The following PCDHGB5 variants were observed in gnomAD, a reference collection of about 807,000 sequenced individuals.
The protein encoded by PCDHGB5 is protocadherin gamma-B5.
A neutral mutation model predicts 62.9 loss-of-function variants in PCDHGB5; 48 were observed. The observed-to-expected ratio is 0.76, with a 90% CI of 0.61 to 0.97. The LOEUF (loss-of-function observed/expected upper bound fraction) is 0.97. PCDHGB5 is among the 50% of genes least tolerant of loss of function. The probability of loss-of-function intolerance (pLI) is 0.00; values close to 1 mark genes in which losing one functional copy is unlikely to be tolerated. For missense variants in PCDHGB5, 1,118 were observed against 1,198.6 expected (o/e 0.93, Z 0.99); for synonymous variants, 474 against 511.2 (o/e 0.93, Z 0.98).
Position 141,432,465 on chromosome 5 carries a change from C to G in PCDHGB5, c.2397+31941C>G. ...GAGATCCTGTACCCCGCCCTCCCCACGGACGGTTCCACTGGCGTGGAGCTG... is the reference window on the plus strand; with the variant it reads ...GAGATCCTGTACCCCGCCCTCCCCAGGGACGGTTCCACTGGCGTGGAGCTG... On this transcript the variant is annotated intron_variant, in intron 1 of 3. Transcript: ENST00000617380. The surrounding 1 kb of genome is among the most constrained non-coding windows in gnomAD (Gnocchi z 6.0). The G allele has an allele frequency of 6.2e-7, 1 of 1,614,222 alleles. No individual in the cohort carries two copies. Among genetic ancestry groups the G allele is most frequent in the Non-Finnish European group, 8.5e-7 (1 of 1,180,050 alleles).
intron 1 of PCDHGB5, among the ~76,000 whole-genome samples, chr5:141,443,858 T>C (rs1325927807): frequency 6.6e-6 from 1 of 152,162 alleles, no homozygotes; most frequent in Non-Finnish European, 1.5e-5. Context: ...GTCTGAAAAC[T>C]GAAAAAATTA....
intron 1 of PCDHGB5, chr5:141,411,445 G>A (rs926329934): frequency 1.3e-5 from 2 of 151,656 alleles, no homozygotes; most frequent in South Asian, 2.1e-4. Flanking sequence ...TTAGCAGAGT[G>A]TGGTAGCATT....
chr5:141,490,891 C>A lies in PCDHGB5; in HGVS notation c.2398-3916C>A, dbSNP rs1462296497. The A allele has an allele frequency of 6.2e-7, 1 of 1,613,204 alleles. No homozygotes were observed. Among genetic ancestry groups the A allele is most frequent in the Non-Finnish European group, 8.5e-7 (1 of 1,179,262 alleles). On this transcript the variant is annotated intron_variant, in intron 1 of 3. Transcript: ENST00000617380. This position sits in a 1 kb window ranked among gnomAD's most constrained non-coding sequence, Gnocchi z 5.4. ...CCCATTGCATGCCAACACATCTCTGCATGTGTTTGTCCTAGACGAGAATGA... is the reference window on the plus strand; with the variant it reads ...CCCATTGCATGCCAACACATCTCTGAATGTGTTTGTCCTAGACGAGAATGA...
chr5:141,434,621 G>A (rs980508411), intron 1 of PCDHGB5, among the ~76,000 whole-genome samples: 1 of 151,966 alleles, frequency 6.6e-6, no homozygotes, highest in Non-Finnish European at 1.5e-5. Flanking sequence ...CCATCTCTTC[G>A]TTTCCCATAA....
At chr5:141,438,305 G>T (rs1287488865) in intron 1 of PCDHGB5, among the ~76,000 whole-genome samples, 2 of 151,822 alleles carry the variant, frequency 1.3e-5, no homozygotes, top group East Asian at 1.9e-4. Context: ...AAAGAAGTTG[G>T]TACCACCATA....
chr5:141,460,909 G>GGT (rs548378036), intron 1 of PCDHGB5, among the ~76,000 whole-genome samples: 1,853 of 123,260 alleles, frequency 0.015, 18 homozygotes, highest in Non-Finnish European at 0.019. Context: ...AATATTCCAT[G>GGT]GTGTATATAT....
chr5:141,453,784 G>T (rs767312144), intron 1 of PCDHGB5, among the ~76,000 whole-genome samples: 47 of 152,298 alleles, frequency 3.1e-4, no homozygotes, highest in Non-Finnish European at 5.6e-4. Flanking sequence ...AGTTACCATG[G>T]TATATTAACT....
rs922592733 is a variant in PCDHGB5 at position 141,487,979 on chromosome 5, C to T, written c.2398-6828C>T. Among the ~76,000 whole-genome samples the T allele has an allele frequency of 1.3e-5, 2 of 152,178 alleles. No individual in the cohort carries two copies. Among genetic ancestry groups the T allele is most frequent in the African/African-American group, 4.8e-5 (2 of 41,442 alleles). The stretch of plus-strand genomic sequence containing the variant: ...TGGACAAAGGTGGCTGTTTTCTCTA[C>T]TCTTCCTGAAAGAGGGGATCAGATT... On this transcript the variant is annotated intron_variant, in intron 1 of 3. Coordinates refer to ENST00000617380, the MANE Select transcript of PCDHGB5 (RefSeq NM_018925.3). The surrounding 1 kb of genome is among the most constrained non-coding windows in gnomAD (Gnocchi z 5.0).
rs1199102847 is a variant in PCDHGB5, at chr5:141,477,997, A to G, written c.2398-16810A>G. 2 of 1,614,112 alleles carry G rather than the reference A, an allele frequency of 1.2e-6. No individual in the cohort carries two copies. Among genetic ancestry groups the G allele is most frequent in the Non-Finnish European group, 1.7e-6 (2 of 1,180,016 alleles). On this transcript the variant is annotated intron_variant, in intron 1 of 3. Coordinates refer to ENST00000617380, the MANE Select transcript of PCDHGB5 (RefSeq NM_018925.3). This position sits in a 1 kb window ranked among gnomAD's most constrained non-coding sequence, Gnocchi z 4.9. ...TTGCCATAGGGCTGCACACTGGTCAAATCAGTACTGCCCGTCCAGTCCAAG... is the reference window on the plus strand; with the variant it reads ...TTGCCATAGGGCTGCACACTGGTCAGATCAGTACTGCCCGTCCAGTCCAAG...
At chr5:141,430,827 T>A in intron 1 of PCDHGB5, 1 of 1,551,000 alleles carries the variant, frequency 6.4e-7, no homozygotes, top group South Asian at 1.3e-5. Flanking sequence ...CTGGGGACTC[T>A]GTGGGAGACC....
chr5:141,460,983 G>GTGTATA (rs1554142949), intron 1 of PCDHGB5, among the ~76,000 whole-genome samples: 24 of 137,844 alleles, frequency 1.7e-4, no homozygotes, highest in African/African-American at 5.4e-4. Context: ...GTGTGTGTGT[G>GTGTATA]TATATATATA....
In PCDHGB5 at chr5:141,491,341, G is replaced by C. The variant is rs775712620; in HGVS notation, c.2398-3466G>C. ...TTACCTCATTGTGGCTCTAGCGACC[G>C]TCAGTCTCTTATCCCTAGTCACCTT... On this transcript the variant is annotated intron_variant, in intron 1 of 3. Transcript: ENST00000617380. This position sits in a 1 kb window ranked among gnomAD's most constrained non-coding sequence, Gnocchi z 6.9. 10 of 1,614,100 alleles carry C rather than the reference G, an allele frequency of 6.2e-6. No homozygotes were observed. In the East Asian group the frequency reaches 8.9e-5, roughly 14 times the overall value.
In PCDHGB5 at chr5:141,476,886, C is replaced by T; in HGVS notation, c.2398-17921C>T. ...TACCGGGCGCGCGTCCTGGAGGATG[C>T]ACCCTCCGGCACGCGCGTGGTACAA... On this transcript the variant is annotated intron_variant, in intron 1 of 3. Transcript: ENST00000617380. This position sits in a 1 kb window ranked among gnomAD's most constrained non-coding sequence, Gnocchi z 7.6. The T allele has an allele frequency of 9.9e-6, 16 of 1,613,924 alleles. No individual in the cohort carries two copies. Among genetic ancestry groups the T allele is most frequent in the Non-Finnish European group, 1.4e-5 (16 of 1,180,032 alleles).
chr5:141,410,352 G>T (rs754268147), intron 1 of PCDHGB5: 4 of 1,614,022 alleles, frequency 2.5e-6, no homozygotes, highest in South Asian at 2.2e-5. Flanking sequence ...CGCCTGCGAC[G>T]CTCTCTCAGC....
At chr5:141,456,827 G>A (rs183303757) in intron 1 of PCDHGB5, among the ~76,000 whole-genome samples, 13 of 152,236 alleles carry the variant, frequency 8.5e-5, no homozygotes, top group South Asian at 2.1e-4. Flanking sequence ...AGCCATCGTG[G>A]TAGTGGGCGC....
At chr5:141,403,789 C>G (rs1230029917) in intron 1 of PCDHGB5, 1 of 1,613,864 alleles carries the variant, frequency 6.2e-7, no homozygotes. Context: ...AAGTGGCATA[C>G]AAATTCTGGA....
chr5:141,492,833 C>T (rs951935267), intron 1 of PCDHGB5, among the ~76,000 whole-genome samples: 2 of 152,222 alleles, frequency 1.3e-5, no homozygotes, highest in African/African-American at 4.8e-5. Flanking sequence ...CCCTTCCTCC[C>T]GCAGGAAGTG....
intron 1 of PCDHGB5, chr5:141,430,848 A>G (rs780445178): frequency 1.3e-6 from 2 of 1,581,028 alleles, no homozygotes; most frequent in Admixed American, 1.8e-5. Flanking sequence ...GGATGCACCC[A>G]GATACGCTAT....
intron 1 of PCDHGB5, among the ~76,000 whole-genome samples, chr5:141,424,888 G>C (rs2096846233): frequency 6.6e-6 from 1 of 152,178 alleles, no homozygotes; most frequent in Non-Finnish European, 1.5e-5. Context: ...GACTTATCTA[G>C]GGTTTTTGAT....
Sources: gnomAD v4.1 joint callset for allele counts (sites outside exome capture counted in the v4.1 genomes callset) on GRCh38, gnomAD v4.1.1 for gene constraint, Gnocchi (gnomAD v3.1) non-coding constraint, MANE v1.5 for transcripts, NCBI Gene and HGNC (gene_info 2026-07-23, HGNC 2026-07-21) for gene names.